Variants in MARCHF1 observed in about 807,000 individuals in gnomAD.
MARCHF1 encodes the protein E3 ubiquitin-protein ligase MARCHF1.
In MARCHF1, 40 loss-of-function variants were observed where a neutral mutation model predicts 54.2. The ratio of observed to expected loss-of-function variants is 0.74; its 90% CI spans 0.57 to 0.96. MARCHF1 has a LOEUF of 0.96. Ranked by LOEUF, MARCHF1 falls within the 40% of genes least tolerant of loss-of-function variation. The pLI is 0.00. For missense variants in MARCHF1, 586 were observed against 656.5 expected, an observed-to-expected ratio of 0.89 and a Z score of 1.17; for synonymous variants, 236 against 236.3, an observed-to-expected ratio of 1.00 and a Z score of 0.01.
intron 5 of MARCHF1, among the ~76,000 whole-genome samples, chr4:163,689,012 CCATCCCTAGCACCACAAAACCATGTTATT>C (rs1363025011): frequency 6.6e-6 from 1 of 152,082 alleles, no homozygotes; most frequent in Non-Finnish European, 1.5e-5. Context: ...GGAATGAGTT[CCATCCCTAGCACCACAAAACCATGTTATT>C]CATTGCTTTT....
intron 8 of MARCHF1, among the ~76,000 whole-genome samples, chr4:163,550,281 C>CAAAAAAAAAAAAAA (rs60320461): frequency 2.9e-5 from 3 of 105,136 alleles, no homozygotes; most frequent in African/African-American, 3.6e-5. Flanking sequence ...GACTCCGTCT[C>CAAAAAAAAAAAAAA]AAAAAAAAAA....
chr4:163,640,958 T>TA (rs1560992443), intron 5 of MARCHF1, among the ~76,000 whole-genome samples: 1 of 151,880 alleles, frequency 6.6e-6, no homozygotes, highest in African/African-American at 2.4e-5. Flanking sequence ...GATAAAGAAT[T>TA]AAAAAAAGAC....
chr4:163,930,993 A>T (rs1751660048), intron 3 of MARCHF1, among the ~76,000 whole-genome samples: 1 of 152,108 alleles, frequency 6.6e-6, no homozygotes, highest in African/African-American at 2.4e-5. Flanking sequence ...AGAGATGGGG[A>T]CTTTAGGAGG....
At chr4:164,032,238 T>C (rs775970837) in intron 2 of MARCHF1, among the ~76,000 whole-genome samples, 9 of 152,158 alleles carry the variant, frequency 5.9e-5, no homozygotes, top group Non-Finnish European at 2.9e-5. Flanking sequence ...CCTTTATTAG[T>C]CTAGCTAGTG....
At chr4:163,839,624 A>T (rs571954798) in intron 4 of MARCHF1, among the ~76,000 whole-genome samples, 1 of 152,294 alleles carries the variant, frequency 6.6e-6, no homozygotes, top group East Asian at 1.9e-4. Flanking sequence ...TGCATGATTC[A>T]ATTTATATGA....
chr4:164,267,850 C>A (rs1006481929), intron 1 of MARCHF1, among the ~76,000 whole-genome samples: 15 of 152,158 alleles, frequency 9.9e-5, no homozygotes, highest in African/African-American at 3.6e-4. Flanking sequence ...AGAAAATGTT[C>A]CCTGTAGAGT....
chr4:164,140,459 A>C (rs1464749275), intron 1 of MARCHF1, among the ~76,000 whole-genome samples: 1 of 152,090 alleles, frequency 6.6e-6, no homozygotes, highest in Non-Finnish European at 1.5e-5. Context: ...GGACAATGAG[A>C]TGCCAGACCC....
chr4:164,350,127 A>G (rs1730236640), intron 1 of MARCHF1, among the ~76,000 whole-genome samples: 1 of 152,250 alleles, frequency 6.6e-6, no homozygotes, highest in Admixed American at 6.5e-5. Context: ...TATTTTAATA[A>G]TCCAAGAAAA....
intron 5 of MARCHF1, among the ~76,000 whole-genome samples, chr4:163,620,618 G>C (rs1444440966): frequency 0.031 from 2,341 of 76,234 alleles, 54 homozygotes; most frequent in African/African-American, 0.088. Context: ...GAGAGAGAGA[G>C]AGAGAGAGAG....
chr4:164,357,725 A>G (rs1442309024), intron 1 of MARCHF1, among the ~76,000 whole-genome samples: 2 of 152,212 alleles, frequency 1.3e-5, no homozygotes. Context: ...GTAAAAATGA[A>G]TATTATTTTA....
chr4:164,138,252 G>A (rs149087980), intron 1 of MARCHF1, among the ~76,000 whole-genome samples: 5 of 150,392 alleles, frequency 3.3e-5, no homozygotes, highest in Non-Finnish European at 5.9e-5. Context: ...GTAACGTTAA[G>A]TTTCTTTTTT....
At chr4:164,167,262 A>G (rs1730406392) in intron 1 of MARCHF1, among the ~76,000 whole-genome samples, 1 of 151,844 alleles carries the variant, frequency 6.6e-6, no homozygotes, top group Non-Finnish European at 1.5e-5. Flanking sequence ...TGAGATATTG[A>G]TGAAAGAAAT....
intron 2 of MARCHF1, among the ~76,000 whole-genome samples, chr4:164,046,542 A>C (rs572781121): frequency 6.6e-6 from 1 of 152,328 alleles, no homozygotes; most frequent in East Asian, 1.9e-4. Context: ...CTGTTTTACT[A>C]TTAATAAAAT....
chr4:164,328,353 AAGG>A (rs1426537256), intron 1 of MARCHF1, among the ~76,000 whole-genome samples: 3 of 152,274 alleles, frequency 2.0e-5, no homozygotes, highest in East Asian at 3.9e-4. Context: ...TATCAAAAAT[AAGG>A]AGATTATATA....
At chr4:164,114,272 A>C (rs575273249) in intron 1 of MARCHF1, among the ~76,000 whole-genome samples, 5 of 152,046 alleles carry the variant, frequency 3.3e-5, no homozygotes, top group African/African-American at 7.2e-5. Flanking sequence ...ATAAAAACAT[A>C]TCTCATTGAC....
chr4:164,215,641 G>A (rs113286411), intron 1 of MARCHF1, among the ~76,000 whole-genome samples: 3 of 152,190 alleles, frequency 2.0e-5, no homozygotes, highest in African/African-American at 7.2e-5. Flanking sequence ...TCAAAATCAC[G>A]TCATTGCTTT....
intron 3 of MARCHF1, among the ~76,000 whole-genome samples, chr4:163,911,688 A>C (rs897398596): frequency 5.9e-5 from 9 of 152,120 alleles, no homozygotes; most frequent in Non-Finnish European, 1.3e-4. Flanking sequence ...AAACCTTTAA[A>C]AGGGCAATTA....
chr4:163,593,972 C>A (rs993775709), intron 7 of MARCHF1, among the ~76,000 whole-genome samples: 17 of 152,292 alleles, frequency 1.1e-4, no homozygotes, highest in African/African-American at 3.8e-4. Flanking sequence ...ATGAATTAGT[C>A]TCAGTCTTTT....
Position 163,845,472 on chromosome 4 carries a change from C to T in MARCHF1, c.111+8549G>A, listed in dbSNP as rs920444684. Among the ~76,000 whole-genome samples the T allele has an allele frequency of 4.5e-4, 68 of 149,800 alleles. 1 individual carries two copies. Among genetic ancestry groups the T allele is most frequent in the African/African-American group, 2.7e-4 (11 of 41,098 alleles). On this transcript the variant is annotated intron_variant, in intron 4 of 9. Coordinates refer to ENST00000514618, the MANE Select transcript of MARCHF1 (RefSeq NM_001394959.1). ...AATGCACCTCAGTTACACACACACA[C>T]ACACACACACACACACACACACACA...
Sources: allele counts gnomAD v4.1 joint callset (sites outside exome capture counted in the v4.1 genomes callset), GRCh38; gene constraint gnomAD v4.1.1; transcripts MANE v1.5; gene names NCBI Gene and HGNC (gene_info 2026-07-23, HGNC 2026-07-21).